Variants in ABCA13 observed in about 807,000 individuals in gnomAD.
ABCA13 encodes ATP binding cassette subfamily A member 13.
In ABCA13, 476 loss-of-function variants were observed where a neutral mutation model predicts 478.7. The ratio of observed to expected loss-of-function variants is 0.99; its 90% CI spans 0.92 to 1.07. The LOEUF (loss-of-function observed/expected upper bound fraction) is 1.07. Ranked by LOEUF, ABCA13 falls within the 50% of genes least tolerant of loss-of-function variation. ABCA13 has a pLI of 0.00. For missense variants in ABCA13, 6,060 were observed against 5,910.6 expected, an observed-to-expected ratio of 1.03 and a Z score of -0.83; for synonymous variants, 2,252 against 2,158.9, an observed-to-expected ratio of 1.04 and a Z score of -1.20.
chr7:48,621,861 C>T (rs1260847995), intron 59 of ABCA13, among the ~76,000 whole-genome samples: 1 of 152,014 alleles, frequency 6.6e-6, no homozygotes, highest in African/African-American at 2.4e-5. Flanking sequence ...TGGTTTGGGA[C>T]CTCATCATGC....
At chr7:48,391,792 T>TA (rs113609560) in intron 37 of ABCA13, 129 bp from the exon 38 acceptor site, 167,645 of 831,276 alleles carry the variant, frequency 0.2, 19,180 homozygotes, top group African/African-American at 0.38. Context: ...ACTGATTGTG[T>TA]AAAAACCAGG....
At chr7:48,178,975 C>CCAA (rs746825836) in intron 1 of ABCA13, among the ~76,000 whole-genome samples, 13,869 of 141,888 alleles carry the variant, frequency 0.098, 788 homozygotes, top group South Asian at 0.16. Context: ...AAAACAAAAA[C>CCAA]TAATAATAAT....
chr7:48,589,180 C>G (rs1789489078), intron 57 of ABCA13, among the ~76,000 whole-genome samples: 1 of 152,144 alleles, frequency 6.6e-6, no homozygotes. Flanking sequence ...ATAAGGAATA[C>G]TTTGGTGTCT....
intron 3 of ABCA13, among the ~76,000 whole-genome samples, chr7:48,207,646 TTTGTTTGTTTTGTATTGAG>T (rs967260171): frequency 2.0e-5 from 3 of 152,070 alleles, no homozygotes; most frequent in Admixed American, 2.0e-4. Flanking sequence ...CATTGAATTG[TTTGTTTGTTTTGTATTGAG>T]TTGTTTGAGC....
intron 58 of ABCA13, among the ~76,000 whole-genome samples, chr7:48,610,201 C>T (rs1444665895): frequency 2.0e-5 from 3 of 152,174 alleles, no homozygotes; most frequent in African/African-American, 4.8e-5. Context: ...GCAAATACAC[C>T]TGAACAAAAA....
chr7:48,524,230 C>G lies in ABCA13; in HGVS notation c.14052-18C>G, dbSNP rs773705566. On this transcript the variant is annotated intron_variant, in intron 53 of 61. Transcript: ENST00000435803. ...ATCATTTGCTAGGTGTGAATTCACT[C>G]TGATTTCATCTTCCCAGGGGTCATT... 15 of 1,602,290 alleles carry G rather than the reference C, an allele frequency of 9.4e-6. No individual in the cohort carries two copies. Among genetic ancestry groups the G allele is most frequent in the Non-Finnish European group, 1.3e-5 (15 of 1,173,368 alleles).
At chr7:48,260,475 A>C (rs1332413323) in intron 15 of ABCA13, among the ~76,000 whole-genome samples, 1 of 152,006 alleles carries the variant, frequency 6.6e-6, no homozygotes, top group Non-Finnish European at 1.5e-5. Context: ...ATTTTTGTTA[A>C]TTCAATGCGC....
At position 48,317,284 on chromosome 7, in the gene ABCA13, G is replaced by C. The variant is rs769730478; in HGVS notation, c.9987G>C (p.Lys3329Asn). Reference sequence around the variant, plus strand: ...CACCAAACACTCCAGAAATTAACAAGGTCATTCAAAAGGTAAGTTAAAATA... The same window carrying C: ...CACCAAACACTCCAGAAATTAACAACGTCATTCAAAAGGTAAGTTAAAATA... Reference protein sequence around the residue: ...LYTPNTPEINKVIQKANYTFY... With the variant: ...LYTPNTPEINNVIQKANYTFY... Residue 3329 changes from lysine (K) to asparagine (N), a missense_variant, in exon 27 of 62, where the codon AAG (lysine) becomes AAC (asparagine). By Grantham distance (94) the Lys-to-Asn change is moderately conservative. Around this residue, in one of 3 missense-constraint regions of ABCA13, gnomAD observed 4,423 missense variants for 4,309.1 expected, o/e 1.03. Coordinates refer to ENST00000435803, the MANE Select transcript of ABCA13 (RefSeq NM_152701.5). 1.2e-6 allele frequency: 2 copies of C among 1,612,762 alleles called. No individual in the cohort carries two copies. The highest frequency in any genetic ancestry group is 1.7e-6 in the Non-Finnish European group (2 of 1,179,596).
At chr7:48,427,722 A>G (rs906546654) in intron 41 of ABCA13, 44 bp from the exon 42 acceptor site, 19 of 1,326,530 alleles carry the variant, frequency 1.4e-5, no homozygotes, top group Non-Finnish European at 1.7e-5. Context: ...TGCGATGTGT[A>G]TAGAAACATA....
chr7:48,446,716 A>G (rs1386522062), intron 42 of ABCA13, among the ~76,000 whole-genome samples: 3 of 152,136 alleles, frequency 2.0e-5, no homozygotes, highest in African/African-American at 7.2e-5. Flanking sequence ...AGGCTTAACC[A>G]TGATGCTAAT....
chr7:48,575,890 C>A (rs550536380), intron 55 of ABCA13, among the ~76,000 whole-genome samples: 2 of 151,972 alleles, frequency 1.3e-5, no homozygotes, highest in African/African-American at 4.8e-5. Flanking sequence ...GTCAGGGGAC[C>A]CCCTACACCC....
chr7:48,264,710 T>A (rs1225329782), intron 15 of ABCA13, among the ~76,000 whole-genome samples: 1 of 150,796 alleles, frequency 6.6e-6, no homozygotes, highest in Non-Finnish European at 1.5e-5. Flanking sequence ...AAATATTTCC[T>A]CCTGGCCTCT....
chr7:48,529,454 TG>T (rs1386664396), intron 55 of ABCA13, among the ~76,000 whole-genome samples: 1 of 152,160 alleles, frequency 6.6e-6, no homozygotes, highest in East Asian at 1.9e-4. Context: ...GGTAACTTGA[TG>T]GGTAGTCAAA....
intron 8 of ABCA13, among the ~76,000 whole-genome samples, chr7:48,238,979 A>C (rs2129009535): frequency 6.6e-6 from 1 of 152,346 alleles, no homozygotes; most frequent in Non-Finnish European, 1.5e-5. Context: ...ATGAAAAGAA[A>C]CAAGATTTGA....
At chr7:48,411,047 CT>C (rs753295685) in intron 40 of ABCA13, among the ~76,000 whole-genome samples, 1 of 59,338 alleles carries the variant, frequency 1.7e-5, no homozygotes, top group Non-Finnish European at 3.7e-5. Context: ...TTCTTTCTTT[CT>C]TTTTCTTTCT....
chr7:48,441,859 A>G (rs1427530017), intron 42 of ABCA13, among the ~76,000 whole-genome samples: 1 of 152,220 alleles, frequency 6.6e-6, no homozygotes, highest in Admixed American at 6.5e-5. Flanking sequence ...TGCGAACTCT[A>G]AATGATAAAA....
At chr7:48,345,440 G>A (rs1807922739) in intron 29 of ABCA13, among the ~76,000 whole-genome samples, 1 of 152,082 alleles carries the variant, frequency 6.6e-6, no homozygotes, top group African/African-American at 2.4e-5. Context: ...AGAGGTGGAG[G>A]TGGAAAAAAG....
intron 37 of ABCA13, among the ~76,000 whole-genome samples, chr7:48,389,756 G>A (rs1317943616): frequency 6.6e-6 from 1 of 152,202 alleles, no homozygotes; most frequent in Non-Finnish European, 1.5e-5. Flanking sequence ...TGCTCCCAGA[G>A]AAACAATGAA....
rs144053373 is a variant in ABCA13 at position 48,272,928 on chromosome 7, A to T, written c.3262A>T (p.Asn1088Tyr). The change falls in exon 17 of 62, where the codon AAC becomes TAC. Residue 1088 changes from asparagine (N) to tyrosine (Y), a missense_variant. Around this residue, in one of 3 missense-constraint regions of ABCA13, gnomAD observed 4,423 missense variants for 4,309.1 expected, o/e 1.03. Transcript: ENST00000435803. ...ATTTCAATATATGAGCCAATTCTTCAACAGTTCAGTAGAAGACCTATTGGA... is the reference window on the plus strand; with the variant it reads ...ATTTCAATATATGAGCCAATTCTTCTACAGTTCAGTAGAAGACCTATTGGA... ...SLFQYMSQFF[N>Y]SSVEDLLDNK... The T allele has an allele frequency of 1.2e-5, 20 of 1,612,958 alleles. No homozygotes were observed. In the African/African-American group the frequency reaches 2.3e-4, roughly 18 times the overall value.
Sources: gnomAD v4.1 joint callset for allele counts (sites outside exome capture counted in the v4.1 genomes callset) on GRCh38, gnomAD v4.1.1 for gene constraint, gnomAD v4.1.1 regional missense constraint, MANE v1.5 for transcripts, NCBI Gene and HGNC (gene_info 2026-07-23, HGNC 2026-07-21) for gene names.